Variants in ATP6V1C1 observed in about 807,000 individuals in gnomAD.
ATP6V1C1 encodes the protein V-type proton ATPase subunit C 1.
A neutral mutation model predicts 53.9 loss-of-function variants in ATP6V1C1; 45 were observed. The ratio of observed to expected loss-of-function variants is 0.83; its 90% CI spans 0.66 to 1.07. The LOEUF (loss-of-function observed/expected upper bound fraction) is 1.07, where lower values mean the gene tolerates loss of function less well. ATP6V1C1 is among the 50% of genes least tolerant of loss of function. The probability of loss-of-function intolerance (pLI) is 0.00; values close to 1 mark genes in which losing one functional copy is unlikely to be tolerated. For synonymous variants in ATP6V1C1, 153 were observed against 155.2 expected, an observed-to-expected ratio of 0.99 and a Z score of 0.11; for missense variants, 315 against 440.3, an observed-to-expected ratio of 0.72 and a Z score of 2.55.
At chr8:103,066,907 G>A (rs1817500780) in intron 12 of ATP6V1C1, among the ~76,000 whole-genome samples, 1 of 151,984 alleles carries the variant, frequency 6.6e-6, no homozygotes, top group Non-Finnish European at 1.5e-5. Flanking sequence ...AGGAGGCTGA[G>A]GCGGGAGGAT....
chr8:103,036,748 A>G (rs1456650870), intron 1 of ATP6V1C1, among the ~76,000 whole-genome samples: 1 of 152,200 alleles, frequency 6.6e-6, no homozygotes, highest in East Asian at 1.9e-4. Flanking sequence ...AACTCTAAGT[A>G]GTATGATAGT....
chr8:103,046,975 GCA>G (rs1280468489), intron 3 of ATP6V1C1, among the ~76,000 whole-genome samples: 1 of 152,098 alleles, frequency 6.6e-6, no homozygotes, highest in Non-Finnish European at 1.5e-5. Context: ...GGGTAAACAT[GCA>G]ACATTTTAGA....
At chr8:103,043,368 G>C (rs1817035407) in intron 3 of ATP6V1C1, among the ~76,000 whole-genome samples, 1 of 152,156 alleles carries the variant, frequency 6.6e-6, no homozygotes, top group Admixed American at 6.5e-5. Flanking sequence ...TGTCGCCCAG[G>C]CTGGAGTGCA....
chr8:103,064,947 A>C, intron 11 of ATP6V1C1, 136 bp downstream of exon 11: 1 of 674,072 alleles, frequency 1.5e-6, no homozygotes, highest in Non-Finnish European at 2.4e-6. Flanking sequence ...GACAGAGATT[A>C]TCAGTATCAT....
At position 103,070,071 on chromosome 8, in the gene ATP6V1C1, G is replaced by T. The variant is rs1229389454; in HGVS notation, c.*1324G>T. On this transcript the variant is annotated 3_prime_UTR_variant, in exon 13 of 13. Coordinates refer to ENST00000518738, the MANE Select transcript of ATP6V1C1 (RefSeq NM_001695.5). ...ACACAGTTTATTTTTAATAAAATAGGATTATACCACACACATCCTGTCACT... is the reference window on the plus strand; with the variant it reads ...ACACAGTTTATTTTTAATAAAATAGTATTATACCACACACATCCTGTCACT... 2.0e-5 allele frequency: 3 copies of T among 152,020 alleles called. No homozygotes were observed. In the East Asian group the frequency reaches 5.8e-4, roughly 29 times the overall value. The allele number at this position is 152,020 out of a possible 1,614,324, so 9.4% of individuals were successfully genotyped here. A position where few individuals can be genotyped will look rare whatever the true frequency, so the allele number is the denominator to read the frequency against.
chr8:103,038,280 T>C (rs1816934806), intron 1 of ATP6V1C1, among the ~76,000 whole-genome samples: 1 of 152,166 alleles, frequency 6.6e-6, no homozygotes, highest in South Asian at 2.1e-4. Flanking sequence ...ATAGACTTCC[T>C]TATGTGGTAG....
intron 4 of ATP6V1C1, among the ~76,000 whole-genome samples, chr8:103,049,772 A>C (rs912988552): frequency 2.6e-5 from 4 of 152,042 alleles, no homozygotes; most frequent in Non-Finnish European, 2.9e-5. Context: ...CCCTGTCTCT[A>C]AAAAACCCAA....
intron 11 of ATP6V1C1, 131 bp from the exon 12 acceptor site, chr8:103,066,190 C>G: frequency 2.2e-6 from 2 of 927,522 alleles, no homozygotes; most frequent in East Asian, 5.7e-5. Flanking sequence ...ATTAGTTGAA[C>G]TTGTAAAGGT....
intron 6 of ATP6V1C1, 46 bp downstream of exon 6, chr8:103,052,868 A>T: frequency 8.5e-7 from 1 of 1,172,286 alleles, no homozygotes; most frequent in Non-Finnish European, 1.2e-6. Flanking sequence ...GGGGAAGCAT[A>T]CTAGCATGCA....
chr8:103,067,757 G>C (rs1249488416), intron 12 of ATP6V1C1, among the ~76,000 whole-genome samples: 1 of 151,662 alleles, frequency 6.6e-6, no homozygotes, highest in African/African-American at 2.4e-5. Flanking sequence ...GCTAATTTTT[G>C]TATTTTTAGT....
intron 3 of ATP6V1C1, among the ~76,000 whole-genome samples, chr8:103,046,114 C>A (rs1817092970): frequency 6.6e-6 from 1 of 152,056 alleles, no homozygotes; most frequent in South Asian, 2.1e-4. Context: ...TATTTATACC[C>A]TTATTAGTCA....
rs1481632963 is a variant in ATP6V1C1, at chr8:103,066,459, T to C, written c.1053+12T>C. ...CAGCTATTATTGATGTAAGTACTTA[T>C]TAGCCCAGTAGAGTAAGAATTGAAG... On this transcript the variant is annotated intron_variant, in intron 12 of 12. Coordinates refer to ENST00000518738, the MANE Select transcript of ATP6V1C1 (RefSeq NM_001695.5). 10 of 1,575,042 alleles carry C rather than the reference T, an allele frequency of 6.3e-6. No individual in the cohort carries two copies. Among genetic ancestry groups the C allele is most frequent in the Admixed American group, 2.0e-5 (1 of 50,164 alleles).
At chr8:103,052,457 C>G (rs1817217428) in intron 5 of ATP6V1C1, among the ~76,000 whole-genome samples, 1 of 152,018 alleles carries the variant, frequency 6.6e-6, no homozygotes. Context: ...GGCCTAGATT[C>G]CATTTCCATG....
chr8:103,065,211 A>G (rs1485776311), intron 11 of ATP6V1C1, among the ~76,000 whole-genome samples: 1 of 152,228 alleles, frequency 6.6e-6, no homozygotes, highest in Non-Finnish European at 1.5e-5. Context: ...TATTTAAAAA[A>G]TCATATTCTG....
intron 8 of ATP6V1C1, among the ~76,000 whole-genome samples, chr8:103,056,718 C>G (rs747640234): frequency 1.3e-5 from 2 of 152,084 alleles, no homozygotes; most frequent in Non-Finnish European, 2.9e-5. Flanking sequence ...ACCAGATATT[C>G]TTTGAGAAAA....
chr8:103,060,374 T>C (rs1006106118), intron 8 of ATP6V1C1, among the ~76,000 whole-genome samples: 4 of 152,254 alleles, frequency 2.6e-5, no homozygotes, highest in Admixed American at 2.6e-4. Flanking sequence ...CTTTTTTGTC[T>C]TTCTTTCAAA....
chr8:103,061,159 G>A (rs570036039), intron 8 of ATP6V1C1, among the ~76,000 whole-genome samples: 1 of 152,294 alleles, frequency 6.6e-6, no homozygotes, highest in African/African-American at 2.4e-5. Flanking sequence ...ATGGACACCA[G>A]GAGCAAGAAT....
intron 10 of ATP6V1C1, among the ~76,000 whole-genome samples, chr8:103,063,686 A>G (rs1463475753): frequency 6.6e-6 from 1 of 152,140 alleles, no homozygotes; most frequent in Non-Finnish European, 1.5e-5. Context: ...TTTGTATTTA[A>G]GCTATTGGAG....
chr8:103,066,034 G>A (rs1317413645), intron 11 of ATP6V1C1, among the ~76,000 whole-genome samples: 1 of 151,656 alleles, frequency 6.6e-6, no homozygotes, highest in Non-Finnish European at 1.5e-5. Flanking sequence ...GTAAGAATCC[G>A]TCTCAAAAGA....
Sources: allele counts gnomAD v4.1 joint callset (sites outside exome capture counted in the v4.1 genomes callset), GRCh38; gene constraint gnomAD v4.1.1; transcripts MANE v1.5; gene names NCBI Gene and HGNC (gene_info 2026-07-23, HGNC 2026-07-21).